Variants in LRRK1 observed in about 807,000 individuals in gnomAD.
LRRK1 encodes leucine-rich repeat serine/threonine-protein kinase 1.
In LRRK1, 113 loss-of-function variants were observed where a neutral mutation model predicts 209.1. The observed-to-expected ratio is 0.54, with a 90% CI of 0.46 to 0.63. LRRK1 has a LOEUF of 0.63. LRRK1 is among the 30% of genes least tolerant of loss of function. The pLI, the probability that LRRK1 is intolerant of heterozygous loss-of-function variation, is 0.00. For missense variants in LRRK1, 2,284 were observed against 2,632.2 expected, an observed-to-expected ratio of 0.87 and a Z score of 2.89; for synonymous variants, 1,144 against 1,099.7, an observed-to-expected ratio of 1.04 and a Z score of -0.80.
At chr15:100,988,910 A>C in intron 5 of LRRK1, 97 bp downstream of exon 5, 3 of 1,067,234 alleles carry the variant, frequency 2.8e-6, no homozygotes, top group Non-Finnish European at 4.0e-6. Flanking sequence ...TTGGCTCTCA[A>C]ATCACCTCTG....
At chr15:101,033,837 G>C (rs1275730789) in intron 20 of LRRK1, among the ~76,000 whole-genome samples, 1 of 152,096 alleles carries the variant, frequency 6.6e-6, no homozygotes, top group Non-Finnish European at 1.5e-5. Context: ...TTGAGAAATC[G>C]CCATACTATT....
At chr15:100,951,876 C>T (rs142523022) in intron 2 of LRRK1, among the ~76,000 whole-genome samples, 6,829 of 151,024 alleles carry the variant, frequency 0.045, 216 homozygotes, top group African/African-American at 0.083. Flanking sequence ...GGCTTGAACG[C>T]GGGAGGCAGA....
chr15:101,000,574 C>T (rs2141681771), intron 6 of LRRK1, among the ~76,000 whole-genome samples: 1 of 152,270 alleles, frequency 6.6e-6, no homozygotes, highest in East Asian at 1.9e-4. Context: ...TCCTGGAAGC[C>T]CTGAGGGAGG....
intron 29 of LRRK1, among the ~76,000 whole-genome samples, chr15:101,059,601 G>A (rs2036035243): frequency 6.8e-6 from 1 of 148,012 alleles, no homozygotes. Flanking sequence ...TGCTGTTGCT[G>A]GAAACATGAG....
Position 101,015,379 on chromosome 15 carries a change from G to T in LRRK1, c.1586G>T (p.Arg529Leu), listed in dbSNP as rs765898071. 1 of 1,613,600 alleles carries T rather than the reference G, an allele frequency of 6.2e-7. No individual in the cohort carries two copies. Among genetic ancestry groups the T allele is most frequent in the South Asian group, 1.1e-5 (1 of 90,948 alleles). The change falls in exon 12 of 34, where the codon CGC becomes CTC. Residue 529 changes from arginine to leucine, a missense_variant. Physicochemically the swap from Arg to Leu is moderately radical, Grantham distance 102. Coordinates refer to ENST00000388948, the MANE Select transcript of LRRK1 (RefSeq NM_024652.6). Reference sequence around the variant, plus strand: ...ATTGCCTTTTTCACCACCAGAGGTCGCCAGCGCTCCGGGACTGAGGCAGGT... The same window carrying T: ...ATTGCCTTTTTCACCACCAGAGGTCTCCAGCGCTCCGGGACTGAGGCAGGT... ...KRIAFFTTRG[R>L]QRSGTEAASV...
intron 2 of LRRK1, among the ~76,000 whole-genome samples, chr15:100,956,460 T>TCTTTTCTTTTC (rs1567199351): frequency 2.4e-4 from 24 of 100,000 alleles, no homozygotes; most frequent in East Asian, 5.6e-4. Flanking sequence ...TTTTTCTTTT[T>TCTTTTCTTTTC]TTTTTTTTTT....
chr15:101,057,881 C>A (rs755018732), intron 28 of LRRK1, 109 bp from the exon 29 acceptor site: 51 of 1,212,694 alleles, frequency 4.2e-5, no homozygotes, highest in Non-Finnish European at 5.9e-5. Context: ...TCTGAATGAA[C>A]AGAATCCCTC....
At chr15:101,062,323 C>T in intron 30 of LRRK1, 1 of 393,530 alleles carries the variant, frequency 2.5e-6, no homozygotes, top group Admixed American at 4.1e-5. Flanking sequence ...GCCCCCAGAT[C>T]CCAATGTTGG....
chr15:100,973,671 A>G (rs2031095856), intron 2 of LRRK1, 133 bp from the exon 3 acceptor site: 2 of 926,136 alleles, frequency 2.2e-6, no homozygotes, highest in African/African-American at 3.4e-5. Context: ...TCGCGGGGCC[A>G]CCCCTCTCTC....
chr15:100,932,056 G>T (rs1177912654), intron 2 of LRRK1, among the ~76,000 whole-genome samples: 1 of 152,082 alleles, frequency 6.6e-6, no homozygotes, highest in African/African-American at 2.4e-5. Flanking sequence ...CGCAACCTCG[G>T]CTCACTGCAA....
intron 28 of LRRK1, 77 bp from the exon 29 acceptor site, chr15:101,057,913 G>A (rs1269005454): frequency 6.7e-7 from 1 of 1,498,108 alleles, no homozygotes; most frequent in African/African-American, 1.4e-5. Flanking sequence ...GTTGGGGCTG[G>A]CTGATCTCAT....
chr15:101,067,573 G>A lies in LRRK1; in HGVS notation c.5870+832G>A, dbSNP rs545757025. ...TTCATCTGGAGCATAAGAGGGTGGA[G>A]AAACACCAGTCAGCTTGCTTCTCCC... is the stretch of plus-strand genomic sequence containing the variant. On this transcript the variant is annotated intron_variant, in intron 33 of 33. Coordinates refer to ENST00000388948, the MANE Select transcript of LRRK1 (RefSeq NM_024652.6). Among the ~76,000 whole-genome samples the A allele has an allele frequency of 4.6e-5, 7 of 152,278 alleles. No individual in the cohort carries two copies. In the East Asian group the frequency reaches 1.4e-3, roughly 29 times the overall value.
At chr15:100,950,336 G>A (rs1424687596) in intron 2 of LRRK1, among the ~76,000 whole-genome samples, 1 of 152,184 alleles carries the variant, frequency 6.6e-6, no homozygotes, top group African/African-American at 2.4e-5. Context: ...GTGGAAAGAA[G>A]TTAAAAAGAA....
rs1246883522 is a variant in LRRK1, at chr15:101,072,293, C to G, written c.*3445C>G. 6.6e-6 allele frequency: 1 copy of G among 152,242 alleles called. No homozygotes were observed. The highest frequency in any genetic ancestry group is 1.5e-5 in the Non-Finnish European group (1 of 68,058). 9.4% of individuals were successfully genotyped at this position (152,242 alleles called of 1,614,324 possible). ...TACAGAACAAGGATGTTCACTATAG[C>G]ATCTCTTAGAATATGGCCCCAAACA... is the stretch of plus-strand genomic sequence containing the variant. On this transcript the variant is annotated 3_prime_UTR_variant, in exon 34 of 34. Transcript: ENST00000388948.
At chr15:101,012,220 G>T (rs1596271411) in intron 10 of LRRK1, 75 bp downstream of exon 10, 3 of 1,277,506 alleles carry the variant, frequency 2.3e-6, no homozygotes, top group Non-Finnish European at 3.3e-6. Context: ...TGAAATGTAT[G>T]TGCTTTTCCT....
intron 29 of LRRK1, among the ~76,000 whole-genome samples, chr15:101,059,937 G>A (rs551765322): frequency 6.6e-6 from 1 of 152,304 alleles, no homozygotes; most frequent in East Asian, 1.9e-4. Context: ...GGGCCAGACT[G>A]GTCCTGGGAG....
intron 6 of LRRK1, among the ~76,000 whole-genome samples, chr15:101,003,406 T>C (rs906563995): frequency 5.3e-5 from 8 of 152,184 alleles, no homozygotes; most frequent in Non-Finnish European, 1.0e-4. Context: ...TAAGGGTGTA[T>C]GCAAAGACCC....
chr15:101,046,006 T>A lies in LRRK1; in HGVS notation c.2989T>A (p.Ser997Thr). Reference sequence around the variant, plus strand: ...CTACCTCCTGCCCCATCTCCTTCCATCTAAACCTGGCCTGGACACCCACGG... The same window carrying A: ...CTACCTCCTGCCCCATCTCCTTCCAACTAAACCTGGCCTGGACACCCACGG... ...DSYLLPHLLP[S>T]KPGLDTHGMR... The change falls in exon 21 of 34, where the codon TCT becomes ACT. Residue 997 changes from serine to threonine, a missense_variant. By Grantham distance (58) the Ser-to-Thr change is moderately conservative. This residue lies in a region of LRRK1 where 780 missense variants were observed against 985.2 expected (regional missense o/e 0.79). Transcript: ENST00000388948. 1 of 1,614,118 alleles carries A rather than the reference T, an allele frequency of 6.2e-7. No homozygotes were observed. The highest frequency in any genetic ancestry group is 1.1e-5 in the South Asian group (1 of 91,082).
chr15:101,021,887 G>T lies in LRRK1; in HGVS notation c.1782G>T (p.Leu594=). 1 of 1,614,002 alleles carries T rather than the reference G, an allele frequency of 6.2e-7. No homozygotes were observed. Among genetic ancestry groups the T allele is most frequent in the South Asian group, 1.1e-5 (1 of 91,070 alleles). ...AGCTCCCTCCTGAGCTGGGGCAGCTGGGCAACCTCTGGCAGCTGGACACTG... is the reference window on the plus strand; with the variant it reads ...AGCTCCCTCCTGAGCTGGGGCAGCTTGGCAACCTCTGGCAGCTGGACACTG... ...LRELPPELGQ[L]GNLWQLDTED... Residue 594 remains leucine, a synonymous_variant, in exon 14 of 34, where the codon CTG becomes CTT. Transcript: ENST00000388948.
Sources: allele counts gnomAD v4.1 joint callset (sites outside exome capture counted in the v4.1 genomes callset), GRCh38; gene constraint gnomAD v4.1.1; regional missense constraint gnomAD v4.1.1; transcripts MANE v1.5; gene names NCBI Gene and HGNC (gene_info 2026-07-23, HGNC 2026-07-21).